STPG2: variants seen among roughly 807,000 people sequenced by gnomAD.
STPG2 encodes the protein sperm-tail PG-rich repeat-containing protein 2.
A neutral mutation model predicts 54.2 loss-of-function variants in STPG2; 56 were observed. That is an observed-to-expected ratio of 1.03 (90% CI 0.83 to 1.29). STPG2 has a LOEUF of 1.29. Ranked by LOEUF, STPG2 falls within the 50% of genes most tolerant of loss-of-function variation. STPG2 has a pLI of 0.00. For missense variants in STPG2, 596 were observed against 544.9 expected, an observed-to-expected ratio of 1.09 and a Z score of -0.93; for synonymous variants, 200 against 181.8, an observed-to-expected ratio of 1.10 and a Z score of -0.81.
intron 4 of STPG2, among the ~76,000 whole-genome samples, chr4:97,512,901 C>G (rs762067251): frequency 1.3e-5 from 2 of 152,042 alleles, no homozygotes; most frequent in African/African-American, 4.8e-5. Context: ...GCAGCAGACA[C>G]CAGCTGGATG....
chr4:97,785,372 G>A (rs1334514033), intron 9 of STPG2, among the ~76,000 whole-genome samples: 4 of 151,974 alleles, frequency 2.6e-5, no homozygotes, highest in Non-Finnish European at 5.9e-5. Flanking sequence ...TTTTATTAGA[G>A]GGTTTCCCTT....
chr4:97,572,259 T>C (rs1732619534), intron 10 of STPG2, among the ~76,000 whole-genome samples: 1 of 152,194 alleles, frequency 6.6e-6, no homozygotes, highest in Admixed American at 6.5e-5. Context: ...GAAATACCTG[T>C]ACTCTCAAGA....
intron 4 of STPG2, among the ~76,000 whole-genome samples, chr4:97,545,686 A>G (rs1560653583): frequency 6.6e-6 from 1 of 152,164 alleles, no homozygotes; most frequent in Non-Finnish European, 1.5e-5. Context: ...ATTTATAAAA[A>G]ATAATTATTT....
chr4:97,641,366 A>T (rs1332213025), intron 10 of STPG2, among the ~76,000 whole-genome samples: 1 of 151,596 alleles, frequency 6.6e-6, no homozygotes, highest in African/African-American at 2.4e-5. Context: ...TATAATATGC[A>T]TTAATCATAT....
rs568337226 is a variant in STPG2 at position 97,853,951 on chromosome 4, T to C, written c.1045-13019A>G. Among the ~76,000 whole-genome samples, 35 of 152,220 alleles carry C rather than the reference T, an allele frequency of 2.3e-4. No individual in the cohort carries two copies. In the South Asian group the frequency reaches 7.0e-3, roughly 31 times the overall value. On this transcript the variant is annotated intron_variant, in intron 8 of 10. Coordinates refer to ENST00000295268, the MANE Select transcript of STPG2 (RefSeq NM_174952.3). ...CACAGGCCACCATGCCTAACTAATT[T>C]GGGGCTTTTTGTGGGGAGTTTTGTG...
At chr4:98,026,213 G>A (rs1478677229) in intron 5 of STPG2, 3 of 1,160,622 alleles carry the variant, frequency 2.6e-6, no homozygotes, top group Non-Finnish European at 3.9e-6. Context: ...AGATCGGGTA[G>A]CTCAAAAGAA....
chr4:97,788,142 C>A (rs1247735601), intron 9 of STPG2, among the ~76,000 whole-genome samples: 1 of 151,956 alleles, frequency 6.6e-6, no homozygotes, highest in Admixed American at 6.6e-5. Flanking sequence ...ACTATGATCA[C>A]CTCGTTGTGC....
At chr4:97,543,238 T>C (rs555110687) in intron 4 of STPG2, among the ~76,000 whole-genome samples, 5 of 151,704 alleles carry the variant, frequency 3.3e-5, no homozygotes, top group Non-Finnish European at 5.9e-5. Flanking sequence ...AGAAATTTCG[T>C]TTATAAAGAA....
chr4:97,698,565 G>A (rs1464839333), intron 10 of STPG2, among the ~76,000 whole-genome samples: 1 of 152,100 alleles, frequency 6.6e-6, no homozygotes, highest in African/African-American at 2.4e-5. Context: ...GTAATGTCGT[G>A]AGAACAGGAA....
intron 4 of STPG2, among the ~76,000 whole-genome samples, chr4:97,495,175 C>T (rs1385945868): frequency 6.6e-6 from 1 of 151,180 alleles, no homozygotes; most frequent in Non-Finnish European, 1.5e-5. Context: ...CTGGTTGAGT[C>T]CTTTTCATTT....
At chr4:97,788,189 C>T (rs1308107653) in intron 9 of STPG2, among the ~76,000 whole-genome samples, 1 of 151,996 alleles carries the variant, frequency 6.6e-6, no homozygotes, top group East Asian at 1.9e-4. Flanking sequence ...AACTGTATTT[C>T]TGTACCCATT....
At chr4:97,496,891 A>T (rs1386823934) in intron 4 of STPG2, among the ~76,000 whole-genome samples, 1 of 151,728 alleles carries the variant, frequency 6.6e-6, no homozygotes, top group Non-Finnish European at 1.5e-5. Flanking sequence ...TATACTTTAG[A>T]CAGAAGTTCA....
intron 10 of STPG2, among the ~76,000 whole-genome samples, chr4:97,564,347 T>C (rs1382439030): frequency 7.9e-5 from 12 of 152,204 alleles, no homozygotes; most frequent in African/African-American, 2.9e-4. Context: ...GAGATGGGTT[T>C]CCTGAATACA....
At chr4:97,666,578 T>C (rs1251138493) in intron 10 of STPG2, among the ~76,000 whole-genome samples, 1 of 152,212 alleles carries the variant, frequency 6.6e-6, no homozygotes. Context: ...TTCAAACATA[T>C]TTCCATTCTT....
intron 4 of STPG2, among the ~76,000 whole-genome samples, chr4:97,501,454 A>G (rs1247251733): frequency 6.6e-6 from 1 of 152,100 alleles, no homozygotes; most frequent in Non-Finnish European, 1.5e-5. Flanking sequence ...ACATGCCTGT[A>G]ATTCTAGCAC....
chr4:97,977,780 A>G (rs1160297952), intron 6 of STPG2, among the ~76,000 whole-genome samples: 1 of 152,220 alleles, frequency 6.6e-6, no homozygotes, highest in Admixed American at 6.5e-5. Context: ...GTGTATTACT[A>G]TAACCAAACT....
At chr4:97,740,041 A>G (rs1332786849) in intron 9 of STPG2, among the ~76,000 whole-genome samples, 1 of 152,070 alleles carries the variant, frequency 6.6e-6, no homozygotes, top group Non-Finnish European at 1.5e-5. Context: ...CATCCCTGGG[A>G]TGCAAGGCTG....
intron 7 of STPG2, among the ~76,000 whole-genome samples, chr4:97,963,675 A>C (rs1050073196): frequency 6.6e-6 from 1 of 151,426 alleles, no homozygotes; most frequent in African/African-American, 2.4e-5. Flanking sequence ...ATATAAATAC[A>C]TATATATGTA....
intron 7 of STPG2, among the ~76,000 whole-genome samples, chr4:97,954,088 T>A (rs1379513084): frequency 6.6e-6 from 1 of 152,228 alleles, no homozygotes; most frequent in African/African-American, 2.4e-5. Context: ...AGTTACCAAC[T>A]TTGAATGAAA....
Sources: allele counts gnomAD v4.1 joint callset (sites outside exome capture counted in the v4.1 genomes callset), GRCh38; gene constraint gnomAD v4.1.1; transcripts MANE v1.5; gene names NCBI Gene and HGNC (gene_info 2026-07-23, HGNC 2026-07-21).